VWA5A: variants seen among roughly 807,000 people sequenced by gnomAD.
VWA5A encodes von Willebrand factor A domain containing 5A, also known as von Willebrand factor A domain-containing protein 5A.
VWA5A carries 77 observed loss-of-function variants against 84.6 expected under a neutral mutation model. That is an observed-to-expected ratio of 0.91 (90% CI 0.76 to 1.10). The LOEUF (loss-of-function observed/expected upper bound fraction) is 1.10. Among genes scored for constraint, VWA5A ranks in the 50% least tolerant of loss-of-function variants. The pLI, the probability that VWA5A is intolerant of heterozygous loss-of-function variation, is 0.00. For missense variants in VWA5A, 973 were observed against 963.0 expected, an observed-to-expected ratio of 1.01 and a Z score of -0.14; for synonymous variants, 334 against 350.1, an observed-to-expected ratio of 0.95 and a Z score of 0.51.
chr11:124,132,338 A>C (rs1240343915), intron 11 of VWA5A, among the ~76,000 whole-genome samples: 1 of 152,100 alleles, frequency 6.6e-6, no homozygotes, highest in Non-Finnish European at 1.5e-5. Flanking sequence ...ATTTTATGCT[A>C]GTATCATAAA....
rs142001021 is a variant in VWA5A, at chr11:124,116,851, C to T, written c.-16+171C>T. Among the ~76,000 whole-genome samples, 619 of 152,192 alleles carry T rather than the reference C, an allele frequency of 4.1e-3. 10 individuals carry two copies. Among genetic ancestry groups the T allele is most frequent in the African/African-American group, 0.014 (578 of 41,532 alleles). Reference sequence around the variant, plus strand: ...TCTTGGATGGATACAAACAAATATACTCGTATCTTTTAATTTTGGGTCCCA... The same window carrying T: ...TCTTGGATGGATACAAACAAATATATTCGTATCTTTTAATTTTGGGTCCCA... On this transcript the variant is annotated intron_variant, in intron 2 of 18. Transcript: ENST00000456829.
Position 124,119,086 on chromosome 11 carries a change from C to A in VWA5A, c.757C>A (p.Pro253Thr). The change falls in exon 7 of 19, where the codon CCA becomes ACA. Residue 253 changes from proline (P) to threonine (T), a missense_variant. Transcript: ENST00000456829. Reference protein sequence around the residue: ...VLEMGMPNMKPGHLMGDPSAM... With the variant: ...VLEMGMPNMKTGHLMGDPSAM... ...GGAGATGGGGATGCCTAACATGAAG[C>A]CAGGTATTTTCTTTCTTCCTTTGTA... is the stretch of plus-strand genomic sequence containing the variant. 6.2e-7 allele frequency: 1 copy of A among 1,613,560 alleles called. No homozygotes were observed. The highest frequency in any genetic ancestry group is 8.5e-7 in the Non-Finnish European group (1 of 1,179,650).
At chr11:124,131,668 A>G (rs1865099415) in intron 11 of VWA5A, among the ~76,000 whole-genome samples, 1 of 151,954 alleles carries the variant, frequency 6.6e-6, no homozygotes, top group South Asian at 2.1e-4. Flanking sequence ...GTATTTAATG[A>G]TGTTAATTAA....
chr11:124,138,633 G>A (rs184722510), intron 15 of VWA5A, among the ~76,000 whole-genome samples: 1 of 152,000 alleles, frequency 6.6e-6, no homozygotes, highest in African/African-American at 2.4e-5. Context: ...TTTAAATAAG[G>A]TTATTTGCTT....
At chr11:124,116,169 C>T (rs529595247) in intron 1 of VWA5A, 2 of 152,400 alleles carry the variant, frequency 1.3e-5, no homozygotes, top group East Asian at 1.9e-4. Flanking sequence ...CTGGCTAGGC[C>T]GGAAGCCTTG....
intron 11 of VWA5A, among the ~76,000 whole-genome samples, chr11:124,127,026 A>T (rs1433515396): frequency 2.0e-5 from 3 of 152,190 alleles, no homozygotes; most frequent in East Asian, 1.9e-4. Context: ...TCAATTTTTC[A>T]TTATGTTCTT....
chr11:124,134,972 A>T lies in VWA5A; in HGVS notation c.1297A>T (p.Ile433Phe). The change falls in exon 12 of 19, where the codon ATT (isoleucine) becomes TTT (phenylalanine). Residue 433 changes from isoleucine to phenylalanine, a missense_variant. Physicochemically the swap from Ile to Phe is conservative, Grantham distance 21. Transcript: ENST00000456829. The stretch of plus-strand genomic sequence containing the variant: ...CACCTCCACCAGCCTAATAAAAGGT[A>T]TTGCCCGGGCATCAGGGGGCACCTC... ...EGTSTSLIKG[I>F]ARASGGTSEF... 6.2e-7 allele frequency: 1 copy of T among 1,613,666 alleles called. No individual in the cohort carries two copies. The highest frequency in any genetic ancestry group is 8.5e-7 in the Non-Finnish European group (1 of 1,179,808).
At chr11:124,145,469 T>A in intron 18 of VWA5A, 106 bp downstream of exon 18, 1 of 1,382,624 alleles carries the variant, frequency 7.2e-7, no homozygotes, top group Non-Finnish European at 9.5e-7. Flanking sequence ...CTGCTTCAGA[T>A]CTTTACTAAT....
intron 18 of VWA5A, 55 bp downstream of exon 18, chr11:124,145,418 G>A: frequency 6.5e-7 from 1 of 1,549,244 alleles, no homozygotes; most frequent in Non-Finnish European, 8.7e-7. Context: ...CTGGCGGAAG[G>A]TGACCACAAG....
At chr11:124,136,738 TTCCTTCCTTCATTCCC>T (rs1217503452) in intron 14 of VWA5A, 64 bp downstream of exon 14, 5 of 1,276,534 alleles carry the variant, frequency 3.9e-6, no homozygotes, top group South Asian at 3.8e-5. Context: ...CCTTCCTTCC[TTCCTTCCTTCATTCCC>T]TCCCTCCCTC....
chr11:124,141,603 C>T lies in VWA5A; in HGVS notation c.1885C>T (p.Arg629Ter), dbSNP rs145607373. The change falls in exon 16 of 19, where the codon CGA (arginine) becomes TGA (stop). Residue 629 changes from arginine (R) to a stop codon, truncating the protein, a stop_gained. Coordinates refer to ENST00000456829, the MANE Select transcript of VWA5A (RefSeq NM_001130142.2). LOFTEE classifies it high-confidence loss of function. ...TAATGTTTGGATTTTTTCAGGTTTT[C>T]GAAAGGCCTTACACTCTGACCGTCC... is the stretch of plus-strand genomic sequence containing the variant. ...PLKIKCQSGF[R>*]KALHSDRPPS... 101 of 1,613,722 alleles carry T rather than the reference C, an allele frequency of 6.3e-5. No individual in the cohort carries two copies. The highest frequency in any genetic ancestry group is 7.8e-5 in the Non-Finnish European group (92 of 1,179,950).
At chr11:124,141,860 C>G in intron 16 of VWA5A, 119 bp downstream of exon 16, 1 of 1,339,062 alleles carries the variant, frequency 7.5e-7, no homozygotes, top group South Asian at 1.5e-5. Context: ...CTCGAAGGGA[C>G]CCCCCATGCA....
Position 124,147,278 on chromosome 11 carries a change from T to C in VWA5A, c.*1333T>C, listed in dbSNP as rs1306244387. 1 of 152,192 alleles carries C rather than the reference T, an allele frequency of 6.6e-6. No individual in the cohort carries two copies. Among genetic ancestry groups the C allele is most frequent in the Non-Finnish European group, 1.5e-5 (1 of 68,022 alleles). 9.4% of individuals were successfully genotyped at this position (152,192 alleles called of 1,614,324 possible). A position where few individuals can be genotyped will look rare whatever the true frequency, so the allele number is the denominator to read the frequency against. ...GTAGAATCCTGACCATACCCTTAAATAGTTATGTGATGATGGGCAAATGAT... is the reference window on the plus strand; with the variant it reads ...GTAGAATCCTGACCATACCCTTAAACAGTTATGTGATGATGGGCAAATGAT... On this transcript the variant is annotated 3_prime_UTR_variant, in exon 19 of 19. Transcript: ENST00000456829.
At position 124,124,332 on chromosome 11, in the gene VWA5A, G is replaced by T; in HGVS notation, c.1244+16G>T. ...AGAAACACAGGTAGGAAGAAAATGT[G>T]ATTTCCGGGTGATTGGTGCTGAGTA... is the stretch of plus-strand genomic sequence containing the variant. On this transcript the variant is annotated intron_variant, in intron 11 of 18. Coordinates refer to ENST00000456829, the MANE Select transcript of VWA5A (RefSeq NM_001130142.2). 1.2e-6 allele frequency: 2 copies of T among 1,612,774 alleles called. No individual in the cohort carries two copies. The highest frequency in any genetic ancestry group is 1.1e-5 in the South Asian group (1 of 90,704).
chr11:124,128,751 C>T (rs560178407), intron 11 of VWA5A, among the ~76,000 whole-genome samples: 144 of 152,136 alleles, frequency 9.5e-4, no homozygotes, highest in Non-Finnish European at 1.7e-3. Context: ...CAATTGTAAA[C>T]GGGAGTTCTC....
At chr11:124,131,305 G>A (rs1270216534) in intron 11 of VWA5A, among the ~76,000 whole-genome samples, 1 of 152,094 alleles carries the variant, frequency 6.6e-6, no homozygotes, top group Non-Finnish European at 1.5e-5. Flanking sequence ...TCCAGGGTGG[G>A]ATTGAGCAGC....
At chr11:124,138,749 C>T (rs1860667374) in intron 15 of VWA5A, among the ~76,000 whole-genome samples, 2 of 152,110 alleles carry the variant, frequency 1.3e-5, no homozygotes, top group African/African-American at 4.8e-5. Flanking sequence ...TTTCTTCACC[C>T]TGTTGATTGT....
In VWA5A at chr11:124,118,262, G is replaced by C; in HGVS notation, c.320G>C (p.Arg107Thr). The change falls in exon 5 of 19, where the codon AGG (arginine) becomes ACG (threonine). Residue 107 changes from arginine (R) to threonine (T), a missense_variant. Transcript: ENST00000456829. ...AFLLEGDSSS[R>T]DVFSCNVGNL... The stretch of plus-strand genomic sequence containing the variant: ...TTATTGGAGGGGGACAGCAGCTCCA[G>C]GGATGTCTTCTCTTGCAATGTGGGT... The C allele has an allele frequency of 6.2e-7, 1 of 1,614,224 alleles. No individual in the cohort carries two copies. The highest frequency in any genetic ancestry group is 1.1e-5 in the South Asian group (1 of 91,086).
At chr11:124,132,732 A>C (rs1348740469) in intron 11 of VWA5A, among the ~76,000 whole-genome samples, 3 of 152,048 alleles carry the variant, frequency 2.0e-5, no homozygotes, top group Non-Finnish European at 4.4e-5. Flanking sequence ...CTATCATATA[A>C]GTGTTTTCTA....
Sources: gnomAD v4.1 joint callset for allele counts (sites outside exome capture counted in the v4.1 genomes callset) on GRCh38, gnomAD v4.1.1 for gene constraint, MANE v1.5 for transcripts, NCBI Gene and HGNC (gene_info 2026-07-23, HGNC 2026-07-21) for gene names.